The following FCHSD2 variants were observed in gnomAD, a reference collection of about 807,000 sequenced individuals.
FCHSD2 encodes the protein F-BAR and double SH3 domains protein 2.
In FCHSD2, 38 loss-of-function variants were observed where a neutral mutation model predicts 108.1. The ratio of observed to expected loss-of-function variants is 0.35; its 90% CI spans 0.27 to 0.46. FCHSD2 has a LOEUF of 0.46. Ranked by LOEUF, FCHSD2 falls within the 20% of genes least tolerant of loss-of-function variation. FCHSD2 has a pLI of 1.00. For missense variants in FCHSD2, 751 were observed against 897.8 expected, an observed-to-expected ratio of 0.84 and a Z score of 2.09; for synonymous variants, 279 against 314.7, an observed-to-expected ratio of 0.89 and a Z score of 1.20.
intron 11 of FCHSD2, among the ~76,000 whole-genome samples, chr11:72,887,792 A>G (rs1234058232): frequency 1.3e-5 from 2 of 152,230 alleles, no homozygotes; most frequent in Non-Finnish European, 2.9e-5. Context: ...ACCAGCCACT[A>G]TCTGATTGCC....
chr11:72,972,573 T>C (rs1357741000), intron 8 of FCHSD2, among the ~76,000 whole-genome samples: 2 of 152,250 alleles, frequency 1.3e-5, no homozygotes, highest in East Asian at 3.8e-4. Context: ...ATGTAGGAGT[T>C]TGTTTTAAAA....
At chr11:72,967,199 CAAA>C (rs555219984) in intron 8 of FCHSD2, among the ~76,000 whole-genome samples, 1 of 65,222 alleles carries the variant, frequency 1.5e-5, no homozygotes. Flanking sequence ...GACTCTGTCT[CAAA>C]AAAAAAAAAA....
chr11:72,870,862 TGCACTACA>T (rs1854840405), intron 12 of FCHSD2, among the ~76,000 whole-genome samples: 1 of 116,104 alleles, frequency 8.6e-6, no homozygotes, highest in African/African-American at 3.3e-5. Context: ...ATTGCGCCAC[TGCACTACA>T]GCCTGGGTGA....
At chr11:72,968,042 G>A (rs1161627757) in intron 8 of FCHSD2, among the ~76,000 whole-genome samples, 2 of 148,486 alleles carry the variant, frequency 1.3e-5, no homozygotes, top group African/African-American at 5.0e-5. Context: ...AGTGAGCCGA[G>A]ATCGCACCAC....
chr11:73,120,294 T>C (rs576649832), intron 2 of FCHSD2, among the ~76,000 whole-genome samples: 2 of 152,346 alleles, frequency 1.3e-5, no homozygotes, highest in Non-Finnish European at 2.9e-5. Context: ...ATGTAGCATA[T>C]GGTCTTTATG....
chr11:72,864,871 G>A (rs996057298), intron 13 of FCHSD2, among the ~76,000 whole-genome samples: 2 of 152,184 alleles, frequency 1.3e-5, no homozygotes, highest in African/African-American at 4.8e-5. Flanking sequence ...ATCTAACAGG[G>A]GAAGCTGCAT....
intron 2 of FCHSD2, among the ~76,000 whole-genome samples, chr11:73,126,494 A>G (rs1565102831): frequency 6.6e-6 from 1 of 152,058 alleles, no homozygotes; most frequent in South Asian, 2.1e-4. Context: ...TATTCTTAAT[A>G]CTTGTACATA....
At chr11:72,957,601 A>G (rs540293011) in intron 8 of FCHSD2, among the ~76,000 whole-genome samples, 1 of 151,466 alleles carries the variant, frequency 6.6e-6, no homozygotes, top group East Asian at 1.9e-4. Context: ...TAAAAAAGAT[A>G]TTTTTGGAAC....
At chr11:72,879,590 T>C (rs1465243975) in intron 12 of FCHSD2, among the ~76,000 whole-genome samples, 7 of 152,088 alleles carry the variant, frequency 4.6e-5, no homozygotes, top group Non-Finnish European at 1.5e-5. Flanking sequence ...ACATAGAACT[T>C]ATAGAGCTAA....
intron 4 of FCHSD2, among the ~76,000 whole-genome samples, chr11:73,013,308 GTC>G (rs1040770863): frequency 2.6e-5 from 4 of 152,218 alleles, no homozygotes; most frequent in African/African-American, 7.2e-5. Context: ...TTACCAAACT[GTC>G]TGCCTGGAAA....
intron 8 of FCHSD2, among the ~76,000 whole-genome samples, chr11:72,952,684 G>A (rs1468454926): frequency 6.6e-6 from 1 of 152,100 alleles, no homozygotes; most frequent in East Asian, 1.9e-4. Context: ...TGGTAGAGAT[G>A]AGACATTAAG....
intron 8 of FCHSD2, among the ~76,000 whole-genome samples, chr11:72,968,646 G>T (rs573482746): frequency 6.6e-6 from 1 of 152,304 alleles, no homozygotes; most frequent in South Asian, 2.1e-4. Flanking sequence ...TTTCCAAAAT[G>T]ATAGTGCTGG....
chr11:73,067,297 T>C (rs538650356), intron 3 of FCHSD2, among the ~76,000 whole-genome samples: 1 of 151,880 alleles, frequency 6.6e-6, no homozygotes, highest in African/African-American at 2.4e-5. Flanking sequence ...CTCATGGACA[T>C]AGGGAGGGGA....
intron 3 of FCHSD2, among the ~76,000 whole-genome samples, chr11:73,023,152 A>G (rs1858147263): frequency 1.3e-5 from 2 of 152,308 alleles, no homozygotes; most frequent in Admixed American, 6.5e-5. Flanking sequence ...GTTTTAACAT[A>G]TAACACCAGA....
At chr11:72,995,676 C>G (rs1239486922) in intron 5 of FCHSD2, among the ~76,000 whole-genome samples, 2 of 142,316 alleles carry the variant, frequency 1.4e-5, no homozygotes, top group Non-Finnish European at 3.0e-5. Context: ...TGCACTCTAG[C>G]AGGGGTGACA....
intron 8 of FCHSD2, among the ~76,000 whole-genome samples, chr11:72,982,624 TAA>T (rs1857234421): frequency 6.6e-6 from 1 of 152,210 alleles, no homozygotes; most frequent in Non-Finnish European, 1.5e-5. Flanking sequence ...CAGTGAAAGT[TAA>T]AGACACATCA....
At chr11:72,918,428 C>T (rs1591397674) in intron 9 of FCHSD2, among the ~76,000 whole-genome samples, 3 of 151,826 alleles carry the variant, frequency 2.0e-5, no homozygotes, top group South Asian at 2.1e-4. Flanking sequence ...TGGTTAATAG[C>T]GGTGGTGAAA....
chr11:73,055,412 C>T (rs1859002583), intron 3 of FCHSD2, among the ~76,000 whole-genome samples: 2 of 151,732 alleles, frequency 1.3e-5, no homozygotes, highest in Admixed American at 1.3e-4. Context: ...AAACAAATGG[C>T]AGAGCTGCCA....
rs1011265026 is a variant in FCHSD2 at position 72,989,039 on chromosome 11, G to T, written c.446C>A (p.Ala149Asp). 1.1e-5 allele frequency: 18 copies of T among 1,610,020 alleles called. No individual in the cohort carries two copies. The highest frequency in any genetic ancestry group is 1.4e-5 in the Non-Finnish European group (17 of 1,177,612). The change falls in exon 6 of 20, where the codon GCT becomes GAT. Residue 149 changes from alanine (A) to aspartate (D), a missense_variant. Ala to Asp is a moderately radical substitution (Grantham distance 126). Transcript: ENST00000409418. The part of the protein sequence containing the change: ...TELQETVKDL[A>D]KGKKKYFETE... ...CTCAAAGTATTTCTTTTTGCCTTTA[G>T]CTAAATCTTTCACTGTCTCTTGTAA...
Sources: gnomAD v4.1 joint callset for allele counts (sites outside exome capture counted in the v4.1 genomes callset) on GRCh38, gnomAD v4.1.1 for gene constraint, MANE v1.5 for transcripts, NCBI Gene and HGNC (gene_info 2026-07-23, HGNC 2026-07-21) for gene names.